The following PRKG1 variants were observed in gnomAD, a reference collection of about 807,000 sequenced individuals.
PRKG1 encodes the protein cGMP-dependent protein kinase 1.
In PRKG1, 35 loss-of-function variants were observed where a neutral mutation model predicts 88.1. The ratio of observed to expected loss-of-function variants is 0.40; its 90% CI spans 0.30 to 0.53. The LOEUF is 0.53. Among genes scored for constraint, PRKG1 ranks in the 20% least tolerant of loss-of-function variants. The pLI, the probability that PRKG1 is intolerant of heterozygous loss-of-function variation, is 0.59. For missense variants in PRKG1, 540 were observed against 839.8 expected, an observed-to-expected ratio of 0.64 and a Z score of 4.41; for synonymous variants, 303 against 292.5, an observed-to-expected ratio of 1.04 and a Z score of -0.37.
chr10:51,730,722 A>ATTTT (rs1216035443), intron 3 of PRKG1, among the ~76,000 whole-genome samples: 1 of 152,258 alleles, frequency 6.6e-6, no homozygotes, highest in Admixed American at 6.5e-5. Flanking sequence ...TTGGACGAAG[A>ATTTT]TAAAGTGAGT....
intron 4 of PRKG1, among the ~76,000 whole-genome samples, chr10:51,850,372 T>C (rs1840517519): frequency 6.6e-6 from 1 of 152,114 alleles, no homozygotes. Context: ...AGATGGGGTT[T>C]CACCATATTG....
At chr10:51,489,336 G>A (rs1840641895) in intron 3 of PRKG1, among the ~76,000 whole-genome samples, 2 of 152,154 alleles carry the variant, frequency 1.3e-5, no homozygotes, top group Non-Finnish European at 2.9e-5. Context: ...AGGCAAGAAA[G>A]AACAGAATGA....
chr10:51,578,987 T>TC lies in PRKG1; in HGVS notation c.592+111151_592+111152insC, dbSNP rs1240961196. On this transcript the variant is annotated intron_variant, in intron 3 of 17. Transcript: ENST00000373980. ...TTGGAATAAGTTCTGTTGGTTTTTT[T>TC]TTTTTTTTTTTTTTTTTTTTTAGAC... 1.7e-3 allele frequency among the ~76,000 whole-genome samples: 232 copies of TC among 134,662 alleles called. 4 individuals carry two copies. The highest frequency in any genetic ancestry group is 6.3e-3 in the African/African-American group (226 of 35,924). The allele number at this position is 134,662 out of a possible 152,430, so 88.3% of individuals were successfully genotyped here.
chr10:51,863,011 T>C (rs1404426686), intron 4 of PRKG1, among the ~76,000 whole-genome samples: 1 of 152,168 alleles, frequency 6.6e-6, no homozygotes, highest in Non-Finnish European at 1.5e-5. Flanking sequence ...TTTGGAGGGA[T>C]CCGAGAATAT....
chr10:51,012,308 G>T (rs1434813069), intron 1 of PRKG1, among the ~76,000 whole-genome samples: 1 of 152,228 alleles, frequency 6.6e-6, no homozygotes, highest in Non-Finnish European at 1.5e-5. Flanking sequence ...GAATATTCAA[G>T]GAGAGGGCTG....
intron 3 of PRKG1, among the ~76,000 whole-genome samples, chr10:51,712,049 C>T (rs1285026688): frequency 1.3e-5 from 2 of 152,072 alleles, no homozygotes; most frequent in African/African-American, 2.4e-5. Context: ...TTATATGATA[C>T]AGGAGCCTTC....
intron 2 of PRKG1, among the ~76,000 whole-genome samples, chr10:51,432,775 A>G (rs1367519983): frequency 6.6e-6 from 1 of 152,172 alleles, no homozygotes; most frequent in African/African-American, 2.4e-5. Context: ...CACTTGTGTC[A>G]TCACATCTTC....
intron 2 of PRKG1, among the ~76,000 whole-genome samples, chr10:51,431,306 C>T (rs1838764534): frequency 6.6e-6 from 1 of 152,136 alleles, no homozygotes; most frequent in East Asian, 1.9e-4. Context: ...AAGAGGCACA[C>T]CACACCATGT....
At chr10:51,166,969 T>G (rs1846561016) in intron 2 of PRKG1, among the ~76,000 whole-genome samples, 1 of 152,232 alleles carries the variant, frequency 6.6e-6, no homozygotes, top group Non-Finnish European at 1.5e-5. Context: ...TTCATTTGAT[T>G]ATTTATTAGT....
At chr10:51,461,798 G>T (rs1326473060) in intron 2 of PRKG1, among the ~76,000 whole-genome samples, 2 of 152,208 alleles carry the variant, frequency 1.3e-5, no homozygotes, top group Non-Finnish European at 2.9e-5. Flanking sequence ...GTTTAAGGGA[G>T]ATATCTAAGT....
chr10:51,987,206 A>C (rs1335668726), intron 5 of PRKG1, among the ~76,000 whole-genome samples: 2 of 152,134 alleles, frequency 1.3e-5, no homozygotes, highest in Non-Finnish European at 2.9e-5. Context: ...TTGCATGTAA[A>C]TGATGTCCAG....
chr10:51,854,035 T>C (rs1283884912), intron 4 of PRKG1, among the ~76,000 whole-genome samples: 1 of 152,152 alleles, frequency 6.6e-6, no homozygotes, highest in Non-Finnish European at 1.5e-5. Flanking sequence ...TATGGTATTT[T>C]GGAAGTCAGA....
At chr10:51,718,069 T>G (rs945296043) in intron 3 of PRKG1, among the ~76,000 whole-genome samples, 1 of 152,118 alleles carries the variant, frequency 6.6e-6, no homozygotes, top group East Asian at 1.9e-4. Context: ...GAGCGCTAGG[T>G]GTTGTGAAAT....
chr10:51,668,934 T>G (rs1186860502), intron 3 of PRKG1, among the ~76,000 whole-genome samples: 1 of 152,198 alleles, frequency 6.6e-6, no homozygotes, highest in Non-Finnish European at 1.5e-5. Flanking sequence ...ATGTACATCA[T>G]TTCATTTATC....
intron 3 of PRKG1, among the ~76,000 whole-genome samples, chr10:51,605,119 G>A (rs1338035535): frequency 2.0e-5 from 3 of 152,210 alleles, no homozygotes; most frequent in Admixed American, 6.5e-5. Context: ...CATCTGCGTT[G>A]TTCTGCCATC....
intron 2 of PRKG1, among the ~76,000 whole-genome samples, chr10:51,290,832 G>T (rs575647268): frequency 7.5e-4 from 114 of 152,190 alleles, no homozygotes; most frequent in African/African-American, 2.6e-3. Flanking sequence ...TGTTTCAACT[G>T]TGTGCTCCTG....
chr10:52,104,204 A>G (rs1282293753), intron 7 of PRKG1, among the ~76,000 whole-genome samples: 14 of 151,780 alleles, frequency 9.2e-5, no homozygotes, highest in Admixed American at 8.6e-4. Context: ...GAATACATTA[A>G]TTTACTGTTA....
At chr10:51,871,115 C>A (rs1564685931) in intron 4 of PRKG1, among the ~76,000 whole-genome samples, 1 of 152,198 alleles carries the variant, frequency 6.6e-6, no homozygotes, top group Non-Finnish European at 1.5e-5. Flanking sequence ...CAATACGTTA[C>A]AGCTTCTGAT....
intron 4 of PRKG1, among the ~76,000 whole-genome samples, chr10:51,817,122 G>A (rs183442238): frequency 6.6e-6 from 1 of 152,234 alleles, no homozygotes; most frequent in African/African-American, 2.4e-5. Context: ...TGTACACTTA[G>A]CATTGCTTCT....
Sources: allele counts gnomAD v4.1 joint callset (sites outside exome capture counted in the v4.1 genomes callset), GRCh38; gene constraint gnomAD v4.1.1; transcripts MANE v1.5; gene names NCBI Gene and HGNC (gene_info 2026-07-23, HGNC 2026-07-21).